The following KIF26B variants were observed in gnomAD, a reference collection of about 807,000 sequenced individuals.
The protein encoded by KIF26B is kinesin family member 26B.
KIF26B carries 63 observed loss-of-function variants against 151.2 expected under a neutral mutation model. The ratio of observed to expected loss-of-function variants is 0.42; its 90% CI spans 0.34 to 0.51. The LOEUF (loss-of-function observed/expected upper bound fraction) is 0.51, where lower values mean the gene tolerates loss of function less well. Among genes scored for constraint, KIF26B ranks in the 20% least tolerant of loss-of-function variants. KIF26B has a pLI of 0.07. For synonymous variants in KIF26B, 1,357 were observed against 1,262.1 expected, an observed-to-expected ratio of 1.08 and a Z score of -1.59; for missense variants, 2,813 against 2,913.6, an observed-to-expected ratio of 0.97 and a Z score of 0.79.
In KIF26B at chr1:245,156,679, G is replaced by T. The variant is rs1668442250; in HGVS notation, c.461G>T (p.Gly154Val). The T allele has an allele frequency of 4.0e-6, 6 of 1,493,136 alleles. No individual in the cohort carries two copies. In the African/African-American group the frequency reaches 5.8e-5, roughly 15 times the overall value. The allele number at this position is 1,493,136 out of a possible 1,614,324, so 92.5% of individuals were successfully genotyped here. ...TTGCTCCTCCCGGGGCCCTTCCCGG[G>T]CAAGGTGAGCGCCGCGCGGGGCTGG... The part of the protein sequence containing the change: ...LRLLLPGPFP[G>V]KDPAFSAVIH... The change falls in exon 2 of 15, where the codon GGC becomes GTC. Residue 154 changes from glycine to valine, a missense_variant. This residue lies in a region of KIF26B where 676 missense variants were observed against 688.1 expected (regional missense o/e 0.98). Transcript: ENST00000407071.
chr1:245,476,660 C>A (rs942685101), intron 4 of KIF26B, among the ~76,000 whole-genome samples: 1 of 151,504 alleles, frequency 6.6e-6, no homozygotes, highest in Admixed American at 6.6e-5. Context: ...CTCAGCCTCC[C>A]GAGTAGTTGA....
chr1:245,392,531 A>G (rs143809769), intron 3 of KIF26B, among the ~76,000 whole-genome samples: 50 of 152,276 alleles, frequency 3.3e-4, no homozygotes, highest in African/African-American at 1.2e-3. Context: ...CATTTTCCTC[A>G]GAATTGTGAA....
chr1:245,302,809 T>C (rs1331624966), intron 2 of KIF26B, among the ~76,000 whole-genome samples: 1 of 151,798 alleles, frequency 6.6e-6, no homozygotes, highest in Non-Finnish European at 1.5e-5. Context: ...CCCAACATGG[T>C]GAAACCCTGT....
intron 2 of KIF26B, among the ~76,000 whole-genome samples, chr1:245,251,366 T>C (rs1360301443): frequency 6.6e-6 from 1 of 152,206 alleles, no homozygotes; most frequent in Non-Finnish European, 1.5e-5. Flanking sequence ...ATTTTAACTT[T>C]TCTCTGCACG....
intron 2 of KIF26B, among the ~76,000 whole-genome samples, chr1:245,256,322 A>G (rs961974411): frequency 2.0e-5 from 3 of 152,322 alleles, no homozygotes; most frequent in African/African-American, 7.2e-5. Flanking sequence ...ACTAGCTGCA[A>G]ACAAGAAGCT....
chr1:245,261,500 TCTCC>T (rs1294087351), intron 2 of KIF26B, among the ~76,000 whole-genome samples: 63 of 61,750 alleles, frequency 1.0e-3, no homozygotes, highest in African/African-American at 4.1e-3. Context: ...TCTCTCTCTC[TCTCC>T]CTCCCTCCCT....
chr1:245,453,655 C>A (rs1435137761), intron 4 of KIF26B, among the ~76,000 whole-genome samples: 1 of 152,058 alleles, frequency 6.6e-6, no homozygotes, highest in Non-Finnish European at 1.5e-5. Context: ...GTGACTTTTT[C>A]TATTACAGTG....
rs536309633 is a variant in KIF26B, at chr1:245,490,530, C to G, written c.1167-50237C>G. ...GTTTCACCATGTTGGCTGGGATGGT[C>G]TCGATCTCCTGACCTCGTGATCCAC... On this transcript the variant is annotated intron_variant, in intron 4 of 14. Transcript: ENST00000407071. Among the ~76,000 whole-genome samples the G allele has an allele frequency of 1.2e-4, 19 of 152,148 alleles. No individual in the cohort carries two copies. The East Asian group carries it at 3.7e-3, about 29-fold the overall frequency.
chr1:245,657,363 C>T (rs998965259), intron 10 of KIF26B, among the ~76,000 whole-genome samples: 3 of 152,194 alleles, frequency 2.0e-5, no homozygotes, highest in Non-Finnish European at 4.4e-5. Flanking sequence ...GCTGCATACA[C>T]ACAGTGAACA....
intron 2 of KIF26B, among the ~76,000 whole-genome samples, chr1:245,190,129 A>G (rs1366833333): frequency 6.6e-6 from 1 of 152,178 alleles, no homozygotes; most frequent in African/African-American, 2.4e-5. Flanking sequence ...CCATGAGAAC[A>G]GTATGGGGAA....
At chr1:245,259,020 C>T (rs1316521182) in intron 2 of KIF26B, among the ~76,000 whole-genome samples, 1 of 152,182 alleles carries the variant, frequency 6.6e-6, no homozygotes, top group Non-Finnish European at 1.5e-5. Context: ...TCTGCAACAG[C>T]CCCCCAGGCG....
At chr1:245,556,390 C>CTTCCTCCTTCTT (rs1662040244) in intron 5 of KIF26B, among the ~76,000 whole-genome samples, 1 of 138,790 alleles carries the variant, frequency 7.2e-6, no homozygotes, top group African/African-American at 3.0e-5. Context: ...TCTTCTTCTT[C>CTTCCTCCTTCTT]CTTCTTTCTT....
intron 5 of KIF26B, among the ~76,000 whole-genome samples, chr1:245,569,618 TAAAC>T (rs1381582652): frequency 6.6e-6 from 1 of 150,600 alleles, no homozygotes. Context: ...AAGAAACAAA[TAAAC>T]AAACAAACAA....
chr1:245,616,576 C>T (rs1338075298), intron 9 of KIF26B, among the ~76,000 whole-genome samples: 1 of 152,098 alleles, frequency 6.6e-6, no homozygotes, highest in Non-Finnish European at 1.5e-5. Flanking sequence ...TTCATATATG[C>T]CTTATAGACA....
Position 245,167,955 on chromosome 1 carries a change from T to C in KIF26B, c.465+11272T>C, listed in dbSNP as rs1254025547. Among the ~76,000 whole-genome samples the C allele has an allele frequency of 1.3e-5, 2 of 152,078 alleles. 1 individual carries two copies. The highest frequency in any genetic ancestry group is 4.8e-5 in the African/African-American group (2 of 41,384). On this transcript the variant is annotated intron_variant, in intron 2 of 14. Coordinates refer to ENST00000407071, the MANE Select transcript of KIF26B (RefSeq NM_018012.4). The surrounding 1 kb of genome is among the most constrained non-coding windows in gnomAD (Gnocchi z 4.2). ...CCAAGGTTGTCTACAATCCCAGATA[T>C]TTAGGTGAAAAAGGACTGTCCTTGG... is the stretch of plus-strand genomic sequence containing the variant.
intron 2 of KIF26B, among the ~76,000 whole-genome samples, chr1:245,360,750 G>A (rs780102870): frequency 2.0e-4 from 30 of 152,148 alleles, no homozygotes; most frequent in African/African-American, 5.6e-4. Context: ...AGTGGCTCAC[G>A]CCTGTAATCC....
chr1:245,686,748 G>A lies in KIF26B; in HGVS notation c.3765G>A (p.Gln1255=), dbSNP rs2044529559. ...TAPVSEVSIT[Q]FLPLPKMSLD... ...CCGTCTCCGAGGTCAGCATCACACAGTTCTTGCCCCTCCCGAAGATGAGCC... is the reference window on the plus strand; with the variant it reads ...CCGTCTCCGAGGTCAGCATCACACAATTCTTGCCCCTCCCGAAGATGAGCC... The change falls in exon 12 of 15, where the codon CAG becomes CAA. Residue 1255 remains glutamine (Q), a synonymous_variant. Coordinates refer to ENST00000407071, the MANE Select transcript of KIF26B (RefSeq NM_018012.4). This position sits in a 1 kb window ranked among gnomAD's most constrained non-coding sequence, Gnocchi z 5.6. 1 of 1,613,448 alleles carries A rather than the reference G, an allele frequency of 6.2e-7. No homozygotes were observed. Among genetic ancestry groups the A allele is most frequent in the Non-Finnish European group, 8.5e-7 (1 of 1,179,782 alleles).
intron 5 of KIF26B, among the ~76,000 whole-genome samples, chr1:245,589,166 T>A (rs192944664): frequency 1.2e-3 from 178 of 152,314 alleles, no homozygotes; most frequent in African/African-American, 4.1e-3. Flanking sequence ...TCGGTGGTTT[T>A]CCTTACTAGG....
At chr1:245,308,607 C>T (rs531550854) in intron 2 of KIF26B, among the ~76,000 whole-genome samples, 28 of 152,268 alleles carry the variant, frequency 1.8e-4, no homozygotes, top group African/African-American at 6.5e-4. Context: ...TAGCGTGCAC[C>T]TGTAGTCCCA....
Sources: allele counts gnomAD v4.1 joint callset (sites outside exome capture counted in the v4.1 genomes callset), GRCh38; gene constraint gnomAD v4.1.1; regional missense constraint gnomAD v4.1.1; non-coding constraint Gnocchi (gnomAD v3.1); transcripts MANE v1.5; gene names NCBI Gene and HGNC (gene_info 2026-07-23, HGNC 2026-07-21).